The following NUP54 variants were observed in gnomAD, a reference collection of about 807,000 sequenced individuals.
NUP54 encodes nucleoporin 54, also known as nucleoporin p54.
A neutral mutation model predicts 66.4 loss-of-function variants in NUP54; 27 were observed. The ratio of observed to expected loss-of-function variants is 0.41; its 90% CI spans 0.30 to 0.56. The LOEUF (loss-of-function observed/expected upper bound fraction) is 0.56. Ranked by LOEUF, NUP54 falls within the 20% of genes least tolerant of loss-of-function variation. The pLI is 0.34. For synonymous variants in NUP54, 206 were observed against 210.7 expected (o/e 0.98, Z 0.19); for missense variants, 486 against 596.3 (o/e 0.82, Z 1.93).
chr4:76,124,781 GGA>G, intron 8 of NUP54, 25 bp from the exon 9 acceptor site: 1 of 540,258 alleles, frequency 1.9e-6, no homozygotes, highest in Non-Finnish European at 3.3e-6. Context: ...ATTGGGGGGG[GGA>G]GGGTTAATCA....
At chr4:76,146,051 G>T (rs1731484945) in intron 1 of NUP54, 3 of 431,314 alleles carry the variant, frequency 7.0e-6, no homozygotes, top group South Asian at 5.1e-5. Flanking sequence ...GATATAATCT[G>T]AATTGGCTAC....
At chr4:76,118,515 G>A in intron 9 of NUP54, 1 of 179,392 alleles carries the variant, frequency 5.6e-6, no homozygotes. Context: ...TGAGTAGCTG[G>A]GACCACAGGT....
At chr4:76,117,052 A>G (rs1729980719) in intron 11 of NUP54, among the ~76,000 whole-genome samples, 1 of 152,172 alleles carries the variant, frequency 6.6e-6, no homozygotes, top group Admixed American at 6.5e-5. Context: ...CATCTTCTCA[A>G]GTTGAAATTC....
chr4:76,125,861 G>GGAGGGA (rs1730514279), intron 8 of NUP54, among the ~76,000 whole-genome samples: 1 of 42,596 alleles, frequency 2.3e-5, no homozygotes, highest in African/African-American at 1.3e-4. Flanking sequence ...AGGGGGAGGG[G>GGAGGGA]GAGGGAGAGA....
intron 1 of NUP54, 64 bp from the exon 2 acceptor site, chr4:76,144,537 T>A: frequency 8.7e-7 from 1 of 1,150,892 alleles, no homozygotes; most frequent in Non-Finnish European, 1.2e-6. Context: ...CAACTTCTTT[T>A]TAAAATTATT....
intron 8 of NUP54, 45 bp downstream of exon 8, chr4:76,130,611 C>G: frequency 7.9e-7 from 1 of 1,271,822 alleles, no homozygotes; most frequent in South Asian, 1.2e-5. Flanking sequence ...TCTATAATCC[C>G]TTTCCCTACT....
rs368065977 is a variant in NUP54, at chr4:76,118,193, A to T, written c.1166T>A (p.Val389Asp). The change falls in exon 10 of 12, where the codon GTC (valine) becomes GAC (aspartate). Residue 389 changes from valine (V) to aspartate (D), a missense_variant and splice_region_variant. Transcript: ENST00000264883. Reference protein sequence around the residue: ...LMDLSHRTLQVLIKQEIQRKS... With the variant: ...LMDLSHRTLQDLIKQEIQRKS... ...CCTTTGAATTTCCTGTTTGATTAGG[A>T]CCTATACAAATAAAAACCACCAATA... is the stretch of plus-strand genomic sequence containing the variant. 3 of 1,612,744 alleles carry T rather than the reference A, an allele frequency of 1.9e-6. No individual in the cohort carries two copies. Among genetic ancestry groups the T allele is most frequent in the Non-Finnish European group, 2.5e-6 (3 of 1,179,206 alleles).
chr4:76,125,196 C>A (rs1212399314), intron 8 of NUP54, among the ~76,000 whole-genome samples: 2 of 150,116 alleles, frequency 1.3e-5, no homozygotes, highest in African/African-American at 4.9e-5. Flanking sequence ...AAGGCTGATG[C>A]AGGAGAATCA....
intron 9 of NUP54, among the ~76,000 whole-genome samples, chr4:76,123,890 C>A (rs1235509618): frequency 6.6e-6 from 1 of 152,104 alleles, no homozygotes. Context: ...GTATATTTTA[C>A]TCTGTTTTTC....
At chr4:76,119,377 T>G (rs1470541704) in intron 9 of NUP54, among the ~76,000 whole-genome samples, 1 of 152,004 alleles carries the variant, frequency 6.6e-6, no homozygotes, top group Non-Finnish European at 1.5e-5. Context: ...GGTTCCTTTT[T>G]TTGGTTGTTG....
chr4:76,144,925 C>T (rs1182544412), intron 1 of NUP54, among the ~76,000 whole-genome samples: 2 of 152,142 alleles, frequency 1.3e-5, no homozygotes, highest in Admixed American at 1.3e-4. Context: ...ATCAGCAGTT[C>T]CTAAATTCCA....
At chr4:76,116,421 T>C (rs1729953883) in intron 11 of NUP54, among the ~76,000 whole-genome samples, 1 of 152,336 alleles carries the variant, frequency 6.6e-6, no homozygotes. Context: ...AGCTACCTAG[T>C]ATGTTCCACA....
chr4:76,145,537 G>T, intron 1 of NUP54: 1 of 1,243,522 alleles, frequency 8.0e-7, no homozygotes, highest in Non-Finnish European at 1.0e-6. Context: ...TTCAAAGGAA[G>T]CATACCAATA....
intron 8 of NUP54, among the ~76,000 whole-genome samples, chr4:76,125,035 A>G (rs1730406892): frequency 6.6e-6 from 1 of 152,126 alleles, no homozygotes; most frequent in South Asian, 2.1e-4. Flanking sequence ...CACACCTGTA[A>G]TCCCACCACT....
intron 1 of NUP54, among the ~76,000 whole-genome samples, chr4:76,145,070 G>A (rs1560693796): frequency 6.6e-6 from 1 of 152,030 alleles, no homozygotes; most frequent in East Asian, 1.9e-4. Context: ...TGTAATCCCA[G>A]CACTTTGGGA....
chr4:76,147,945 G>A (rs1378861788), intron 1 of NUP54: 2 of 316,400 alleles, frequency 6.3e-6, no homozygotes, highest in African/African-American at 2.1e-5. Flanking sequence ...CCACGCAAGC[G>A]TTCCCGCCCA....
intron 4 of NUP54, 80 bp downstream of exon 4, chr4:76,136,105 AT>A (rs1731026939): frequency 2.2e-6 from 2 of 921,794 alleles, no homozygotes; most frequent in African/African-American, 1.7e-5. Context: ...GATCCAAGCA[AT>A]TGTTATCTTG....
intron 9 of NUP54, among the ~76,000 whole-genome samples, chr4:76,120,418 TCTC>T (rs1438026819): frequency 1.5e-5 from 2 of 131,036 alleles, no homozygotes; most frequent in African/African-American, 3.2e-5. Flanking sequence ...TGTAAAGGGA[TCTC>T]TTTTTTTTTT....
At chr4:76,147,676 A>G in intron 1 of NUP54, 1 of 1,270,480 alleles carries the variant, frequency 7.9e-7, no homozygotes. Flanking sequence ...AAAATTTTAA[A>G]AAGGGGGAGA....
Sources: gnomAD v4.1 joint callset for allele counts (sites outside exome capture counted in the v4.1 genomes callset) on GRCh38, gnomAD v4.1.1 for gene constraint, MANE v1.5 for transcripts, NCBI Gene and HGNC (gene_info 2026-07-23, HGNC 2026-07-21) for gene names.